NFRKB: variants seen among roughly 807,000 people sequenced by gnomAD.
The protein encoded by NFRKB is nuclear factor related to kappa-B-binding protein.
Under a neutral mutation model 135.7 loss-of-function variants are expected in NFRKB, and 62 were observed. The ratio of observed to expected loss-of-function variants is 0.46; its 90% CI spans 0.37 to 0.56. The LOEUF (loss-of-function observed/expected upper bound fraction) is 0.56. NFRKB is among the 20% of genes least tolerant of loss of function. NFRKB has a pLI of 0.00. For missense variants in NFRKB, 1,545 were observed against 1,662.0 expected, an observed-to-expected ratio of 0.93 and a Z score of 1.22; for synonymous variants, 678 against 635.6, an observed-to-expected ratio of 1.07 and a Z score of -1.00.
rs766893319 is a variant in NFRKB at position 129,881,411 on chromosome 11, A to G, written c.1384+32T>C. ...TAGGGGAAGAAATGGGAGAACGAAA[A>G]CCTGTTGGGGTAGGTAATACGGATC... is the stretch of plus-strand genomic sequence containing the variant. On this transcript the variant is annotated intron_variant, in intron 13 of 26. Transcript: ENST00000682444. 1.1e-5 allele frequency: 17 copies of G among 1,608,838 alleles called. No individual in the cohort carries two copies. In the African/African-American group the frequency reaches 1.7e-4, roughly 16 times the overall value.
At chr11:129,877,688 C>A (rs577583715) in intron 15 of NFRKB, among the ~76,000 whole-genome samples, 1 of 152,172 alleles carries the variant, frequency 6.6e-6, no homozygotes. Context: ...AGGCAACAAA[C>A]AATTCGGCCT....
At chr11:129,885,184 G>A (rs1022313521) in intron 6 of NFRKB, among the ~76,000 whole-genome samples, 24 of 152,090 alleles carry the variant, frequency 1.6e-4, no homozygotes, top group Non-Finnish European at 1.3e-4. Context: ...GTCGTCTGGC[G>A]GGCTCTCATC....
chr11:129,870,524 A>C (rs1948452182), intron 23 of NFRKB, among the ~76,000 whole-genome samples: 1 of 152,130 alleles, frequency 6.6e-6, no homozygotes, highest in Non-Finnish European at 1.5e-5. Context: ...AAGTAAATCC[A>C]AGATCTATTA....
In NFRKB at chr11:129,865,924, G is replaced by A. The variant is rs765076630; in HGVS notation, c.3591C>T (p.Gly1197=). The change falls in exon 25 of 27, where the codon GGC becomes GGT. Residue 1197 remains glycine, a synonymous_variant. Coordinates refer to ENST00000682444, the MANE Select transcript of NFRKB (RefSeq NM_001143835.2). The part of the protein sequence containing the change: ...PLSVISQPMK[G]KSVVTAPIIK... ...TGATGGGGGCTGTGACCACGCTCTT[G>A]CCCTTCATTGGCTGGCTGATCACAG... is the stretch of plus-strand genomic sequence containing the variant. 45 of 1,613,890 alleles carry A rather than the reference G, an allele frequency of 2.8e-5. No homozygotes were observed. In the East Asian group the frequency reaches 9.8e-4, roughly 35 times the overall value.
rs74621914 is a variant in NFRKB at position 129,881,561 on chromosome 11, G to A, written c.1319-53C>T. The A allele has an allele frequency of 3.8e-4, 611 of 1,608,938 alleles. 6 individuals carry two copies. The African/African-American group carries it at 6.1e-3, about 16-fold the overall frequency. ...CCATACAGGTGCGTCCCTGAGCTCC[G>A]AAACAGCTTTTGAGTGTTCCACAAT... On this transcript the variant is annotated intron_variant, in intron 12 of 26. Transcript: ENST00000682444.
chr11:129,878,251 G>C, intron 15 of NFRKB, 58 bp downstream of exon 15: 5 of 1,555,084 alleles, frequency 3.2e-6, no homozygotes, highest in Non-Finnish European at 4.4e-6. Context: ...CAAAACCAAG[G>C]CAGTATCTGA....
chr11:129,872,378 G>A (rs1419776916), intron 23 of NFRKB, among the ~76,000 whole-genome samples: 2 of 151,994 alleles, frequency 1.3e-5, no homozygotes, highest in Admixed American at 1.3e-4. Context: ...AATAATAAGA[G>A]TGCCTACCCC....
Position 129,884,119 on chromosome 11 carries a change from T to C in NFRKB, c.767A>G (p.Asp256Gly), listed in dbSNP as rs964428274. The C allele has an allele frequency of 1.2e-6, 2 of 1,614,112 alleles. No homozygotes were observed. Among genetic ancestry groups the C allele is most frequent in the Non-Finnish European group, 1.7e-6 (2 of 1,180,050 alleles). The change falls in exon 8 of 27, where the codon GAC becomes GGC. Residue 256 changes from aspartate to glycine, a missense_variant. Transcript: ENST00000682444. ...GTGCTTCTTTAACATTATCTTCAGG[T>C]CACTGTCCCCCAGTTCTACTTTATC... The part of the protein sequence containing the change: ...TADKVELGDS[D>G]LKIMLKKHHE...
intron 16 of NFRKB, 98 bp downstream of exon 16, chr11:129,877,227 G>T: frequency 8.0e-7 from 1 of 1,253,420 alleles, no homozygotes; most frequent in Admixed American, 1.7e-5. Context: ...AAAGGTATGA[G>T]TTTCTTGCAA....
At chr11:129,869,244 T>C (rs1454828211) in intron 24 of NFRKB, among the ~76,000 whole-genome samples, 1 of 152,210 alleles carries the variant, frequency 6.6e-6, no homozygotes, top group African/African-American at 2.4e-5. Context: ...TATGCAAGTA[T>C]CATACTTTGA....
At chr11:129,870,526 G>C (rs1948452313) in intron 23 of NFRKB, among the ~76,000 whole-genome samples, 1 of 152,100 alleles carries the variant, frequency 6.6e-6, no homozygotes, top group African/African-American at 2.4e-5. Context: ...GTAAATCCAA[G>C]ATCTATTATT....
rs1016364 is a variant in NFRKB, at chr11:129,874,977, A to G, written c.1855-61T>C. 263,906 of 1,599,008 alleles carry G rather than the reference A, an allele frequency of 0.17. 27,086 individuals are homozygous for G. Among genetic ancestry groups the G allele is most frequent in the African/African-American group, 0.52 (38,580 of 74,600 alleles). On this transcript the variant is annotated intron_variant, in intron 18 of 26. Transcript: ENST00000682444. This position sits in a 1 kb window ranked among gnomAD's most constrained non-coding sequence, Gnocchi z 4.5. ...AAGCTTAGATAACAGAAGTTATTTGAACTCTAGGAAAAAAATGTCATTGTA... is the reference window on the plus strand; with the variant it reads ...AAGCTTAGATAACAGAAGTTATTTGGACTCTAGGAAAAAAATGTCATTGTA...
intron 1 of NFRKB, among the ~76,000 whole-genome samples, chr11:129,895,060 G>T (rs1020231822): frequency 1.3e-5 from 2 of 152,194 alleles, no homozygotes; most frequent in African/African-American, 2.4e-5. Flanking sequence ...GGAAGCCAAG[G>T]ATTTCCAGAT....
chr11:129,864,494 C>T lies in NFRKB; in HGVS notation c.*231G>A, dbSNP rs566428368. On this transcript the variant is annotated 3_prime_UTR_variant, in exon 27 of 27. Coordinates refer to ENST00000682444, the MANE Select transcript of NFRKB (RefSeq NM_001143835.2). Reference sequence around the variant, plus strand: ...CCTGCAATTTCAACAGAATATTCTCCTAGATTGGTAGAGAGCAGACCTTGG... The same window carrying T: ...CCTGCAATTTCAACAGAATATTCTCTTAGATTGGTAGAGAGCAGACCTTGG... The T allele has an allele frequency of 9.9e-5, 51 of 512,634 alleles. 1 individual carries two copies. The highest frequency in any genetic ancestry group is 8.4e-4 in the African/African-American group (44 of 52,500). 31.8% of individuals were successfully genotyped at this position (512,634 alleles called of 1,614,324 possible). A position where few individuals can be genotyped will look rare whatever the true frequency, so the allele number is the denominator to read the frequency against.
chr11:129,894,673 C>T (rs3829264), intron 1 of NFRKB, among the ~76,000 whole-genome samples: 69,342 of 152,046 alleles, frequency 0.46, 16,124 homozygotes, highest in East Asian at 0.5. Flanking sequence ...CAACTGTGCC[C>T]CCTCATCACC....
chr11:129,864,074 G>T lies in NFRKB; in HGVS notation c.*651C>A, dbSNP rs546597174. On this transcript the variant is annotated 3_prime_UTR_variant, in exon 27 of 27. Coordinates refer to ENST00000682444, the MANE Select transcript of NFRKB (RefSeq NM_001143835.2). ...GCAGTGCCAAGCGAATCCCATTTCA[G>T]GGGACCCACTCTACCTCGCTGCCTA... 1.3e-5 allele frequency: 2 copies of T among 151,890 alleles called. No homozygotes were observed. Among genetic ancestry groups the T allele is most frequent in the Non-Finnish European group, 2.9e-5 (2 of 68,074 alleles). 9.4% of individuals were successfully genotyped at this position (151,890 alleles called of 1,614,324 possible).
chr11:129,865,210 C>T, intron 25 of NFRKB, 109 bp from the exon 26 acceptor site: 1 of 1,329,080 alleles, frequency 7.5e-7, no homozygotes, highest in Non-Finnish European at 1.0e-6. Context: ...CAATGAAAAT[C>T]CCAGCATTTC....
In NFRKB at chr11:129,881,504, A is replaced by C. The variant is rs753334828; in HGVS notation, c.1323T>G (p.Val441=). 6.2e-7 allele frequency: 1 copy of C among 1,614,174 alleles called. No homozygotes were observed. The highest frequency in any genetic ancestry group is 8.5e-7 in the Non-Finnish European group (1 of 1,180,028). ...CAACAAATGGAGAGAAACTGGAAGG[A>C]ACAGCTGCAAGAAATGGACCACATA... is the stretch of plus-strand genomic sequence containing the variant. ...LQYLAGESRA[V]PSSFSPFVEF... Residue 441 remains valine, a synonymous_variant, in exon 13 of 27, where the codon GTT becomes GTG. Transcript: ENST00000682444.
intron 23 of NFRKB, among the ~76,000 whole-genome samples, chr11:129,872,329 ATTACT>A (rs1948551983): frequency 6.6e-6 from 1 of 152,162 alleles, no homozygotes; most frequent in Non-Finnish European, 1.5e-5. Flanking sequence ...AAAAAAAAAC[ATTACT>A]TTATCGTTAT....
Sources: allele counts gnomAD v4.1 joint callset (sites outside exome capture counted in the v4.1 genomes callset), GRCh38; gene constraint gnomAD v4.1.1; non-coding constraint Gnocchi (gnomAD v3.1); transcripts MANE v1.5; gene names NCBI Gene and HGNC (gene_info 2026-07-23, HGNC 2026-07-21).